The following MARCHF6 variants were observed in gnomAD, a reference collection of about 807,000 sequenced individuals.
The protein encoded by MARCHF6 is membrane associated ring-CH-type finger 6, also known as E3 ubiquitin-protein ligase MARCHF6.
MARCHF6 carries 31 observed loss-of-function variants against 133.7 expected under a neutral mutation model. That is an observed-to-expected ratio of 0.23 (90% confidence interval 0.17 to 0.31). The LOEUF (loss-of-function observed/expected upper bound fraction) is 0.31. Among genes scored for constraint, MARCHF6 ranks in the 10% least tolerant of loss-of-function variants. MARCHF6 has a pLI of 1.00. For missense variants in MARCHF6, 723 were observed against 1,121.6 expected, an observed-to-expected ratio of 0.64 and a Z score of 5.08; for synonymous variants, 395 against 402.5, an observed-to-expected ratio of 0.98 and a Z score of 0.22.
In MARCHF6 at chr5:10,401,774, G is replaced by T. The variant is rs1439530300; in HGVS notation, c.973-285G>T. 3 of 475,818 alleles carry T rather than the reference G, an allele frequency of 6.3e-6. No individual in the cohort carries two copies. The South Asian group carries it at 1.0e-4, about 16-fold the overall frequency. The allele number at this position is 475,818 out of a possible 1,614,324, so 29.5% of individuals were successfully genotyped here. On this transcript the variant is annotated intron_variant, in intron 11 of 25. Coordinates refer to ENST00000274140, the MANE Select transcript of MARCHF6 (RefSeq NM_005885.4). ...GAGTGAGAGTAGAGGGCAGGCTGTT[G>T]TATTACAGTGCTCTTGTTTTTGTAA... is the stretch of plus-strand genomic sequence containing the variant.
rs1579503034 is a variant in MARCHF6 at position 10,353,756 on chromosome 5, C to A, written c.-143C>A. 4 of 593,180 alleles carry A rather than the reference C, an allele frequency of 6.7e-6. No individual in the cohort carries two copies. Among genetic ancestry groups the A allele is most frequent in the South Asian group, 6.7e-5 (4 of 59,874 alleles). The allele number at this position is 593,180 out of a possible 1,614,324, so 36.7% of individuals were successfully genotyped here. On this transcript the variant is annotated 5_prime_UTR_variant, in exon 1 of 26. Transcript: ENST00000274140. Reference sequence around the variant, plus strand: ...TGTCAGCCTCTCTCCCTCTCCCTCTCCCCTCTCCTTCCTCTCGCTTCCTCT... The same window carrying A: ...TGTCAGCCTCTCTCCCTCTCCCTCTACCCTCTCCTTCCTCTCGCTTCCTCT...
At chr5:10,413,117 T>G (rs566789813) in intron 19 of MARCHF6, among the ~76,000 whole-genome samples, 2 of 152,352 alleles carry the variant, frequency 1.3e-5, no homozygotes, top group Non-Finnish European at 2.9e-5. Context: ...GGGGCATATC[T>G]CTGTTCCTGA....
intron 1 of MARCHF6, among the ~76,000 whole-genome samples, chr5:10,373,986 C>T (rs1427114671): frequency 6.6e-6 from 1 of 151,736 alleles, no homozygotes; most frequent in Non-Finnish European, 1.5e-5. Flanking sequence ...TTTCTCCCCA[C>T]CCCCACCATG....
Position 10,400,780 on chromosome 5 carries a change from T to A in MARCHF6, c.914-4T>A. 3.1e-6 allele frequency: 5 copies of A among 1,611,166 alleles called. No homozygotes were observed. The highest frequency in any genetic ancestry group is 4.2e-6 in the Non-Finnish European group (5 of 1,177,412). ...TTTTCATGGAATTTTTTCCCCCTTTTTAGCATTTTGCCCTTACCATATTGG... is the reference window on the plus strand; with the variant it reads ...TTTTCATGGAATTTTTTCCCCCTTTATAGCATTTTGCCCTTACCATATTGG... On this transcript the variant is annotated splice_region_variant and splice_polypyrimidine_tract_variant and intron_variant, in intron 10 of 25. Coordinates refer to ENST00000274140, the MANE Select transcript of MARCHF6 (RefSeq NM_005885.4).
At chr5:10,362,885 C>A (rs1173275061) in intron 1 of MARCHF6, among the ~76,000 whole-genome samples, 10 of 152,222 alleles carry the variant, frequency 6.6e-5, no homozygotes, top group Admixed American at 6.5e-4. Flanking sequence ...TAGATCCACA[C>A]ATACATGGAC....
At chr5:10,391,200 A>C (rs1737808643) in intron 6 of MARCHF6, among the ~76,000 whole-genome samples, 1 of 152,064 alleles carries the variant, frequency 6.6e-6, no homozygotes, top group Non-Finnish European at 1.5e-5. Flanking sequence ...TGGCATGATC[A>C]CACCTAACTG....
intron 8 of MARCHF6, 74 bp from the exon 9 acceptor site, chr5:10,394,679 G>A: frequency 1.7e-6 from 2 of 1,166,548 alleles, no homozygotes; most frequent in East Asian, 2.4e-5. Flanking sequence ...AAAGGAAAAT[G>A]AGGCTTTTCA....
At chr5:10,381,722 T>TA (rs1737158857) in intron 3 of MARCHF6, 78 bp from the exon 4 acceptor site, 4 of 1,126,026 alleles carry the variant, frequency 3.6e-6, no homozygotes, top group African/African-American at 1.6e-5. Context: ...GAAGTTTAGT[T>TA]AATGTCTATT....
intron 22 of MARCHF6, among the ~76,000 whole-genome samples, chr5:10,420,723 C>T (rs1202979358): frequency 6.6e-6 from 1 of 152,224 alleles, no homozygotes; most frequent in Non-Finnish European, 1.5e-5. Context: ...CATGTCTGAA[C>T]ACAGACAGAA....
chr5:10,354,087 G>A (rs1233245849), intron 1 of MARCHF6, 170 bp downstream of exon 1: 1 of 526,728 alleles, frequency 1.9e-6, no homozygotes. Flanking sequence ...GACCCTCTGC[G>A]CGCCCCCCGC....
intron 4 of MARCHF6, among the ~76,000 whole-genome samples, chr5:10,384,270 T>C (rs573193949): frequency 7.9e-5 from 12 of 152,156 alleles, no homozygotes; most frequent in Non-Finnish European, 1.8e-4. Context: ...TAAAAACTTC[T>C]CTTCATCCTT....
chr5:10,391,800 G>A (rs1314752992), intron 7 of MARCHF6, 69 bp downstream of exon 7: 3 of 1,354,586 alleles, frequency 2.2e-6, no homozygotes, highest in Non-Finnish European at 2.9e-6. Context: ...TTGAGGAAAA[G>A]GGCTGGCGTT....
intron 1 of MARCHF6, among the ~76,000 whole-genome samples, chr5:10,359,879 G>T (rs1735707674): frequency 6.6e-6 from 1 of 152,020 alleles, no homozygotes; most frequent in African/African-American, 2.4e-5. Context: ...GGTGGCGGGT[G>T]CCTGTAATCC....
intron 17 of MARCHF6, among the ~76,000 whole-genome samples, chr5:10,408,695 C>T (rs1013347109): frequency 1.3e-5 from 2 of 152,128 alleles, no homozygotes; most frequent in Non-Finnish European, 2.9e-5. Context: ...CAAGCCACCA[C>T]ACCTGCCTAA....
intron 9 of MARCHF6, among the ~76,000 whole-genome samples, chr5:10,394,987 G>A (rs1240741657): frequency 6.6e-6 from 1 of 152,084 alleles, no homozygotes; most frequent in African/African-American, 2.4e-5. Context: ...TTTTAGTAGA[G>A]ATGGGGTTTC....
At chr5:10,419,165 T>C (rs1406820367) in intron 22 of MARCHF6, among the ~76,000 whole-genome samples, 1 of 152,150 alleles carries the variant, frequency 6.6e-6, no homozygotes, top group Non-Finnish European at 1.5e-5. Context: ...TTTTTAACTT[T>C]TTGATGGTTG....
chr5:10,384,589 C>G (rs762332620), intron 4 of MARCHF6, among the ~76,000 whole-genome samples: 1 of 152,092 alleles, frequency 6.6e-6, no homozygotes. Flanking sequence ...GAACCCATTC[C>G]CCATGGATAC....
In MARCHF6 at chr5:10,358,649, C is replaced by T. The variant is rs147400174; in HGVS notation, c.19+4732C>T. 5.4e-3 allele frequency among the ~76,000 whole-genome samples: 821 copies of T among 152,176 alleles called. 3 individuals carry two copies. The highest frequency in any genetic ancestry group is 0.019 in the African/African-American group (797 of 41,518). ...TTTTTGAACTACATGGGTCCACTTA[C>T]ACATGGATTTTTTTCTTCAATAAAT... On this transcript the variant is annotated intron_variant, in intron 1 of 25. Coordinates refer to ENST00000274140, the MANE Select transcript of MARCHF6 (RefSeq NM_005885.4).
Position 10,434,850 on chromosome 5 carries a change from A to G in MARCHF6, c.*1166A>G, listed in dbSNP as rs1258509041. On this transcript the variant is annotated 3_prime_UTR_variant, in exon 26 of 26. Transcript: ENST00000274140. Reference sequence around the variant, plus strand: ...ACCAATTCATTATTTGTCCAGAAGGAAGCTTGGCTGAGCTGGCCTTTTAAC... The same window carrying G: ...ACCAATTCATTATTTGTCCAGAAGGGAGCTTGGCTGAGCTGGCCTTTTAAC... 6.6e-6 allele frequency: 1 copy of G among 152,654 alleles called. No individual in the cohort carries two copies. Among genetic ancestry groups the G allele is most frequent in the Non-Finnish European group, 1.5e-5 (1 of 68,030 alleles). The allele number at this position is 152,654 out of a possible 1,614,324, so 9.5% of individuals were successfully genotyped here. A position where few individuals can be genotyped will look rare whatever the true frequency, so the allele number is the denominator to read the frequency against.
Sources: gnomAD v4.1 joint callset for allele counts (sites outside exome capture counted in the v4.1 genomes callset) on GRCh38, gnomAD v4.1.1 for gene constraint, MANE v1.5 for transcripts, NCBI Gene and HGNC (gene_info 2026-07-23, HGNC 2026-07-21) for gene names.